Variants in CEP350 observed in about 807,000 individuals in gnomAD.
The protein encoded by CEP350 is centrosomal protein 350, also known as centrosome-associated protein 350.
In CEP350, 126 loss-of-function variants were observed where a neutral mutation model predicts 331.8. The observed-to-expected ratio is 0.38, with a 90% confidence interval of 0.33 to 0.44. The LOEUF (loss-of-function observed/expected upper bound fraction) is 0.44. CEP350 is among the 20% of genes least tolerant of loss of function. The pLI is 1.00. For synonymous variants in CEP350, 1,200 were observed against 1,259.5 expected (o/e 0.95, Z 1.00); for missense variants, 3,406 against 3,634.6 (o/e 0.94, Z 1.62).
chr1:179,993,354 G>T (rs1653230715), intron 5 of CEP350, among the ~76,000 whole-genome samples: 1 of 151,972 alleles, frequency 6.6e-6, no homozygotes, highest in African/African-American at 2.4e-5. Flanking sequence ...AGACTGAGTT[G>T]CTCACTTTAT....
intron 19 of CEP350, 86 bp downstream of exon 19, chr1:180,041,888 C>T: frequency 1.6e-6 from 2 of 1,233,484 alleles, no homozygotes; most frequent in East Asian, 2.5e-5. Context: ...TTTCTAATAT[C>T]TTAGTAAATG....
At chr1:180,025,108 T>G (rs1655582341) in intron 14 of CEP350, among the ~76,000 whole-genome samples, 1 of 152,076 alleles carries the variant, frequency 6.6e-6, no homozygotes, top group Non-Finnish European at 1.5e-5. Flanking sequence ...GTATTTTTAG[T>G]AGAGACGGGG....
At chr1:179,955,796 T>G (rs1334362673) in intron 1 of CEP350, among the ~76,000 whole-genome samples, 2 of 152,246 alleles carry the variant, frequency 1.3e-5, no homozygotes, top group African/African-American at 4.8e-5. Flanking sequence ...TAGGCATAGA[T>G]TTTAATGTTT....
At chr1:180,056,524 C>T (rs1028658440) in intron 25 of CEP350, among the ~76,000 whole-genome samples, 4 of 125,788 alleles carry the variant, frequency 3.2e-5, no homozygotes, top group Non-Finnish European at 6.3e-5. Flanking sequence ...GGCTGGAGTA[C>T]AGTGGCACGA....
Position 180,112,659 on chromosome 1 carries a change from T to C in CEP350, c.*1498T>C, listed in dbSNP as rs947858198. The C allele has an allele frequency of 6.5e-6, 1 of 152,672 alleles. No homozygotes were observed. 9.5% of individuals were successfully genotyped at this position (152,672 alleles called of 1,614,324 possible). A position where few individuals can be genotyped will look rare whatever the true frequency, so the allele number is the denominator to read the frequency against. ...TTGAAGGTCCTGGTTAGAAGCATGA[T>C]ACAAGACATCTACTGGATTCATATT... On this transcript the variant is annotated 3_prime_UTR_variant, in exon 38 of 38. Transcript: ENST00000367607.
Position 179,995,341 on chromosome 1 carries a change from C to T in CEP350, c.396-1212C>T, listed in dbSNP as rs562598262. On this transcript the variant is annotated intron_variant, in intron 5 of 37. Transcript: ENST00000367607. ...CTCAGCCAGGCACAATGGCTCACAC[C>T]TGTAATCCCAGCACTTTGGAAGGCC... Among the ~76,000 whole-genome samples, 11 of 152,304 alleles carry T rather than the reference C, an allele frequency of 7.2e-5. No individual in the cohort carries two copies. The East Asian group carries it at 2.1e-3, about 29-fold the overall frequency.
chr1:180,025,267 A>G (rs1350844969), intron 14 of CEP350, among the ~76,000 whole-genome samples: 6 of 152,208 alleles, frequency 3.9e-5, no homozygotes, highest in African/African-American at 1.2e-4. Flanking sequence ...ACTTTATAGT[A>G]TATACATCTC....
intron 8 of CEP350, among the ~76,000 whole-genome samples, chr1:180,011,247 A>G (rs1285506704): frequency 6.6e-6 from 1 of 152,180 alleles, no homozygotes; most frequent in Non-Finnish European, 1.5e-5. Flanking sequence ...AGTCCCTGTA[A>G]TACCATCCCC....
intron 14 of CEP350, among the ~76,000 whole-genome samples, chr1:180,026,279 A>T (rs1360745417): frequency 1.3e-5 from 2 of 152,032 alleles, no homozygotes; most frequent in Non-Finnish European, 2.9e-5. Context: ...TCAAAAAAAA[A>T]AAAAAAGTAT....
intron 1 of CEP350, among the ~76,000 whole-genome samples, chr1:179,961,306 G>A (rs1008411149): frequency 2.0e-5 from 3 of 151,992 alleles, no homozygotes; most frequent in Non-Finnish European, 2.9e-5. Context: ...AAATTAGCTC[G>A]GCGTGGTGGC....
chr1:180,051,179 C>T lies in CEP350; in HGVS notation c.4793-1791C>T, dbSNP rs554698515. Among the ~76,000 whole-genome samples, 10 of 152,250 alleles carry T rather than the reference C, an allele frequency of 6.6e-5. No individual in the cohort carries two copies. The East Asian group carries it at 1.9e-3, about 29-fold the overall frequency. On this transcript the variant is annotated intron_variant, in intron 22 of 37. Transcript: ENST00000367607. Reference sequence around the variant, plus strand: ...TAAACAAACTGGTACATCCATACAACGAAATACTATTCAGCTGTTAAAAGG... The same window carrying T: ...TAAACAAACTGGTACATCCATACAATGAAATACTATTCAGCTGTTAAAAGG...
intron 6 of CEP350, chr1:180,000,429 C>T (rs989993740): frequency 1.3e-5 from 2 of 152,458 alleles, no homozygotes; most frequent in African/African-American, 2.4e-5. Context: ...AGAATCTTTA[C>T]TCCTGTTTTT....
At chr1:180,084,698 A>C (rs1046957497) in intron 31 of CEP350, among the ~76,000 whole-genome samples, 2 of 152,126 alleles carry the variant, frequency 1.3e-5, no homozygotes, top group Admixed American at 1.3e-4. Flanking sequence ...TATTAAAATA[A>C]CAAGTATTAA....
intron 31 of CEP350, 32 bp from the exon 32 acceptor site, chr1:180,087,546 C>A: frequency 6.6e-7 from 1 of 1,506,900 alleles, no homozygotes; most frequent in African/African-American, 1.4e-5. Flanking sequence ...AAAAATTCTG[C>A]CTAGTGACTC....
intron 17 of CEP350, among the ~76,000 whole-genome samples, chr1:180,039,130 G>C (rs1461118464): frequency 6.6e-6 from 1 of 151,436 alleles, no homozygotes; most frequent in Non-Finnish European, 1.5e-5. Flanking sequence ...GGGCGTGGTG[G>C]GGGGGTGGGG....
chr1:179,991,701 G>A (rs1412425203), intron 4 of CEP350, among the ~76,000 whole-genome samples: 2 of 132,886 alleles, frequency 1.5e-5, no homozygotes, highest in African/African-American at 2.8e-5. Context: ...GTGTGTGTGT[G>A]TGTGTGTATA....
intron 17 of CEP350, among the ~76,000 whole-genome samples, chr1:180,037,558 C>G (rs577159125): frequency 2.6e-4 from 40 of 152,110 alleles, no homozygotes; most frequent in Admixed American, 2.3e-3. Context: ...AGTGGAGATG[C>G]TTTAAACAAC....
chr1:179,998,314 T>TC (rs1359071702), intron 6 of CEP350, among the ~76,000 whole-genome samples: 2 of 148,266 alleles, frequency 1.3e-5, no homozygotes. Context: ...TTTTTTTTTT[T>TC]TTTTTTTTTT....
chr1:180,062,165 C>T, intron 25 of CEP350, 55 bp from the exon 26 acceptor site: 3 of 1,396,984 alleles, frequency 2.1e-6, no homozygotes, highest in South Asian at 3.7e-5. Context: ...TTAAATATTA[C>T]TTTGGCCTTG....
Sources: gnomAD v4.1 joint callset for allele counts (sites outside exome capture counted in the v4.1 genomes callset) on GRCh38, gnomAD v4.1.1 for gene constraint, MANE v1.5 for transcripts, NCBI Gene and HGNC (gene_info 2026-07-23, HGNC 2026-07-21) for gene names.